NIPA1: variants seen among roughly 807,000 people sequenced by gnomAD.
NIPA1 encodes the protein magnesium transporter NIPA1.
A neutral mutation model predicts 23.9 loss-of-function variants in NIPA1; 13 were observed. That is an observed-to-expected ratio of 0.54 (90% CI 0.35 to 0.87). The LOEUF (loss-of-function observed/expected upper bound fraction) is 0.87, where lower values mean the gene tolerates loss of function less well. NIPA1 is among the 40% of genes least tolerant of loss of function. The pLI is 0.01. For missense variants in NIPA1, 362 were observed against 429.7 expected, an observed-to-expected ratio of 0.84 and a Z score of 1.39; for synonymous variants, 234 against 202.9, an observed-to-expected ratio of 1.15 and a Z score of -1.30.
rs1408158411 is a variant in NIPA1 at position 22,829,365 on chromosome 15, A to G, written c.*5126A>G. 1 of 152,438 alleles carries G rather than the reference A, an allele frequency of 6.6e-6. No individual in the cohort carries two copies. Among genetic ancestry groups the G allele is most frequent in the Non-Finnish European group, 1.5e-5 (1 of 68,038 alleles). 9.4% of individuals were successfully genotyped at this position (152,438 alleles called of 1,614,324 possible). ...CAGGGCTCCCAAACCACTAGTGCCA[A>G]AGGGTCATGTTGAAAAGTTCAGAAT... On this transcript the variant is annotated 3_prime_UTR_variant, in exon 5 of 5. Coordinates refer to ENST00000337435, the MANE Select transcript of NIPA1 (RefSeq NM_144599.5).
In NIPA1 at chr15:22,827,916, C is replaced by G. The variant is rs1895683215; in HGVS notation, c.*3677C>G. 2 of 152,218 alleles carry G rather than the reference C, an allele frequency of 1.3e-5. No homozygotes were observed. The highest frequency in any genetic ancestry group is 1.3e-4 in the Admixed American group (2 of 15,272). 9.4% of individuals were successfully genotyped at this position (152,218 alleles called of 1,614,324 possible). ...GATTCCTCTTCTTCAAGCTGCTCAG[C>G]TAACCCAGAAGAGGGGAGAGAGTAC... On this transcript the variant is annotated 3_prime_UTR_variant, in exon 5 of 5. Coordinates refer to ENST00000337435, the MANE Select transcript of NIPA1 (RefSeq NM_144599.5).
intron 2 of NIPA1, among the ~76,000 whole-genome samples, chr15:22,811,520 C>T (rs536977203): frequency 1.3e-5 from 2 of 152,210 alleles, no homozygotes; most frequent in Admixed American, 1.3e-4. Context: ...GGGAGGATTG[C>T]TTGAGCCTGG....
chr15:22,792,366 C>T (rs28715445), intron 1 of NIPA1, among the ~76,000 whole-genome samples: 1 of 149,132 alleles, frequency 6.7e-6, no homozygotes, highest in African/African-American at 2.5e-5. Context: ...AGGCTTTTTT[C>T]TTTTTTTTTT....
At chr15:22,797,036 G>A (rs917106811) in intron 1 of NIPA1, among the ~76,000 whole-genome samples, 4 of 149,704 alleles carry the variant, frequency 2.7e-5, no homozygotes, top group African/African-American at 7.6e-5. Context: ...TATTACAATT[G>A]AGGTTTCTTT....
At chr15:22,808,159 C>G (rs193066179) in intron 1 of NIPA1, among the ~76,000 whole-genome samples, 1 of 152,298 alleles carries the variant, frequency 6.6e-6, no homozygotes, top group Non-Finnish European at 1.5e-5. Flanking sequence ...ACTTTTCACA[C>G]TAGTATTCTG....
intron 4 of NIPA1, 140 bp from the exon 5 acceptor site, chr15:22,823,588 C>G: frequency 1.3e-6 from 1 of 766,460 alleles, no homozygotes; most frequent in Non-Finnish European, 2.2e-6. Context: ...AAGCCAGAGC[C>G]CACATGCTCC....
chr15:22,817,721 C>T (rs1288457367), intron 3 of NIPA1, among the ~76,000 whole-genome samples: 1 of 151,568 alleles, frequency 6.6e-6, no homozygotes, highest in Non-Finnish European at 1.5e-5. Flanking sequence ...AGGAGAATGG[C>T]GTGAACCCGG....
intron 1 of NIPA1, among the ~76,000 whole-genome samples, chr15:22,799,152 C>G (rs777527133): frequency 1.3e-5 from 2 of 152,110 alleles, no homozygotes; most frequent in Non-Finnish European, 2.9e-5. Context: ...GCACTACTTA[C>G]AATAGCAGTG....
chr15:22,803,413 T>C (rs1290440239), intron 1 of NIPA1, among the ~76,000 whole-genome samples: 3 of 151,932 alleles, frequency 2.0e-5, no homozygotes, highest in East Asian at 1.9e-4. Flanking sequence ...CATACAGATA[T>C]ATGTTATATA....
At chr15:22,812,915 G>A (rs914237440) in intron 3 of NIPA1, among the ~76,000 whole-genome samples, 1 of 152,150 alleles carries the variant, frequency 6.6e-6, no homozygotes, top group Non-Finnish European at 1.5e-5. Flanking sequence ...GACTGAGTTG[G>A]TGTTTTATTG....
rs905296655 is a variant in NIPA1 at position 22,788,498 on chromosome 15, C to CAAAAAAAAAAAAAAAAAAA, written c.178+1681_178+1682insAAAAAAAAAAAAAAAAAAA. On this transcript the variant is annotated intron_variant, in intron 1 of 4. Coordinates refer to ENST00000337435, the MANE Select transcript of NIPA1 (RefSeq NM_144599.5). ...TGGGCGGCAGAGCAAGACTCCATCT[C>CAAAAAAAAAAAAAAAAAAA]AAAAAAAAAAAAAAAAATCTTGCAG... 2.1e-3 allele frequency among the ~76,000 whole-genome samples: 189 copies of CAAAAAAAAAAAAAAAAAAA among 89,454 alleles called. 10 individuals carry two copies. The highest frequency in any genetic ancestry group is 8.3e-3 in the Middle Eastern group (1 of 120). The allele number at this position is 89,454 out of a possible 152,430, so 58.7% of individuals were successfully genotyped here.
chr15:22,817,373 C>T (rs745312685), intron 3 of NIPA1, among the ~76,000 whole-genome samples: 2 of 151,232 alleles, frequency 1.3e-5, no homozygotes, highest in Non-Finnish European at 1.5e-5. Context: ...GTGGCGCATG[C>T]CTGTAATCCC....
chr15:22,803,719 G>A (rs1455620670), intron 1 of NIPA1, among the ~76,000 whole-genome samples: 1 of 125,866 alleles, frequency 7.9e-6, no homozygotes, highest in African/African-American at 3.2e-5. Context: ...TTGCTCTGTC[G>A]CCCAGGCTGG....
intron 3 of NIPA1, among the ~76,000 whole-genome samples, chr15:22,818,299 G>A (rs1895466470): frequency 6.6e-6 from 1 of 151,678 alleles, no homozygotes; most frequent in Admixed American, 6.6e-5. Flanking sequence ...AGCCTGGTGT[G>A]GTGGCACATG....
At chr15:22,799,985 T>A (rs943951809) in intron 1 of NIPA1, among the ~76,000 whole-genome samples, 12 of 136,456 alleles carry the variant, frequency 8.8e-5, no homozygotes, top group African/African-American at 2.7e-4. Flanking sequence ...AAAGAAAAGA[T>A]GATGTAATAG....
At chr15:22,800,678 C>T (rs752541492) in intron 1 of NIPA1, among the ~76,000 whole-genome samples, 1 of 151,978 alleles carries the variant, frequency 6.6e-6, no homozygotes, top group Non-Finnish European at 1.5e-5. Flanking sequence ...CCTGTAATCC[C>T]AGCACTTTGG....
intron 3 of NIPA1, among the ~76,000 whole-genome samples, chr15:22,816,514 T>C (rs1471473531): frequency 2.1e-5 from 2 of 97,530 alleles, no homozygotes; most frequent in East Asian, 3.6e-4. Context: ...TTTTTTCAGA[T>C]GGAGTCTCAC....
At chr15:22,790,365 T>C (rs1182799417) in intron 1 of NIPA1, among the ~76,000 whole-genome samples, 1 of 151,942 alleles carries the variant, frequency 6.6e-6, no homozygotes, top group Admixed American at 6.6e-5. Flanking sequence ...AGTCTTGCTC[T>C]GTCACCAGTC....
At chr15:22,787,500 AACCAAGCCCTGGACGG>A (rs959579613) in intron 1 of NIPA1, among the ~76,000 whole-genome samples, 27 of 152,324 alleles carry the variant, frequency 1.8e-4, no homozygotes, top group African/African-American at 6.5e-4. Context: ...GCAGATCCAA[AACCAAGCCCTGGACGG>A]GCCAAGGCCA....
Sources: gnomAD v4.1 joint callset for allele counts (sites outside exome capture counted in the v4.1 genomes callset) on GRCh38, gnomAD v4.1.1 for gene constraint, MANE v1.5 for transcripts, NCBI Gene and HGNC (gene_info 2026-07-23, HGNC 2026-07-21) for gene names.